Variants in SRGAP1 observed in about 807,000 individuals in gnomAD.
SRGAP1 encodes SLIT-ROBO Rho GTPase activating protein 1.
In SRGAP1, 43 loss-of-function variants were observed where a neutral mutation model predicts 121.9. The ratio of observed to expected loss-of-function variants is 0.35; its 90% CI spans 0.28 to 0.46. The LOEUF is 0.46. Among genes scored for constraint, SRGAP1 ranks in the 20% least tolerant of loss-of-function variants. The pLI is 1.00. For missense variants in SRGAP1, 1,102 were observed against 1,350.9 expected (o/e 0.82, Z 2.89); for synonymous variants, 447 against 485.4 (o/e 0.92, Z 1.04).
intron 8 of SRGAP1, among the ~76,000 whole-genome samples, chr12:64,069,400 A>G (rs2035600450): frequency 1.3e-5 from 2 of 152,204 alleles, no homozygotes; most frequent in Non-Finnish European, 2.9e-5. Context: ...GTCACTTCCC[A>G]ACTTTACATT....
At chr12:63,921,858 A>C (rs928932383) in intron 1 of SRGAP1, among the ~76,000 whole-genome samples, 1 of 152,152 alleles carries the variant, frequency 6.6e-6, no homozygotes, top group Non-Finnish European at 1.5e-5. Flanking sequence ...TTTGGTTATG[A>C]TAGATAAACT....
chr12:63,895,575 G>A (rs979718104), intron 1 of SRGAP1, among the ~76,000 whole-genome samples: 1 of 152,124 alleles, frequency 6.6e-6, no homozygotes, highest in African/African-American at 2.4e-5. Context: ...TCTAGATCTA[G>A]AAGTGAGATA....
intron 4 of SRGAP1, 91 bp downstream of exon 4, chr12:64,017,103 C>T: frequency 1.4e-6 from 1 of 736,732 alleles, no homozygotes; most frequent in Non-Finnish European, 2.2e-6. Flanking sequence ...CATTCCAAGC[C>T]AGAGTGACAA....
chr12:64,091,826 C>A, intron 12 of SRGAP1: 1 of 1,289,472 alleles, frequency 7.8e-7, no homozygotes, highest in Non-Finnish European at 1.1e-6. Flanking sequence ...ATGATCTATA[C>A]CTTGTACCTC....
At chr12:63,971,223 T>G (rs938536987) in intron 1 of SRGAP1, among the ~76,000 whole-genome samples, 1 of 150,150 alleles carries the variant, frequency 6.7e-6, no homozygotes, top group Non-Finnish European at 1.5e-5. Context: ...TCATAGTACT[T>G]TCTTCATGCT....
chr12:63,955,094 G>C (rs993249982), intron 1 of SRGAP1, among the ~76,000 whole-genome samples: 1 of 152,204 alleles, frequency 6.6e-6, no homozygotes, highest in Non-Finnish European at 1.5e-5. Flanking sequence ...GAGGTGGGCG[G>C]ATCACTTGAG....
chr12:64,015,321 T>A (rs2034374203), intron 3 of SRGAP1, among the ~76,000 whole-genome samples: 2 of 152,148 alleles, frequency 1.3e-5, no homozygotes, highest in African/African-American at 4.8e-5. Context: ...AAAAATAAAA[T>A]GAGTTTCAGT....
intron 12 of SRGAP1, among the ~76,000 whole-genome samples, chr12:64,093,948 C>G (rs1344657221): frequency 6.6e-6 from 1 of 152,094 alleles, no homozygotes; most frequent in Non-Finnish European, 1.5e-5. Flanking sequence ...TTAATGGATT[C>G]TGAATTGTTC....
Position 64,127,693 on chromosome 12 carries a change from A to G in SRGAP1, c.2509A>G (p.Thr837Ala). The G allele has an allele frequency of 1.2e-6, 2 of 1,614,152 alleles. No individual in the cohort carries two copies. The highest frequency in any genetic ancestry group is 1.6e-4 in the Middle Eastern group (1 of 6,062). ...CTCATCCAAGGACATGAACTCCCCG[A>G]CAGACCGTCATCCTGACGGCTATTT... is the stretch of plus-strand genomic sequence containing the variant. ...KSSSKDMNSP[T>A]DRHPDGYLAR... The change falls in exon 20 of 22, where the codon ACA (threonine) becomes GCA (alanine). Residue 837 changes from threonine (T) to alanine (A), a missense_variant. Thr to Ala is a moderately conservative substitution (Grantham distance 58). Coordinates refer to ENST00000355086, the MANE Select transcript of SRGAP1 (RefSeq NM_020762.4).
intron 1 of SRGAP1, among the ~76,000 whole-genome samples, chr12:63,880,741 G>T (rs569900807): frequency 6.6e-6 from 1 of 152,034 alleles, no homozygotes; most frequent in Non-Finnish European, 1.5e-5. Context: ...ATGAATCCAC[G>T]TATTTTATTA....
chr12:64,092,032 A>G (rs1565677123), intron 12 of SRGAP1: 1 of 932,696 alleles, frequency 1.1e-6, no homozygotes. Flanking sequence ...TAAAAGAAAA[A>G]TGTTTGCATT....
chr12:64,053,603 A>C (rs1288324900), intron 6 of SRGAP1, among the ~76,000 whole-genome samples: 1 of 152,242 alleles, frequency 6.6e-6, no homozygotes, highest in Non-Finnish European at 1.5e-5. Flanking sequence ...ATGCTAAAGA[A>C]TAAATATAAA....
Position 63,957,123 on chromosome 12 carries a change from G to A in SRGAP1, c.68-26824G>A, listed in dbSNP as rs532014391. ...TTCATTTATCCATGCATCAGTTGACGACCATTTGAGTCATTTTTACTTTTT... is the reference window on the plus strand; with the variant it reads ...TTCATTTATCCATGCATCAGTTGACAACCATTTGAGTCATTTTTACTTTTT... On this transcript the variant is annotated intron_variant, in intron 1 of 21. Coordinates refer to ENST00000355086, the MANE Select transcript of SRGAP1 (RefSeq NM_020762.4). 2.9e-3 allele frequency among the ~76,000 whole-genome samples: 447 copies of A among 152,210 alleles called. 2 individuals carry two copies. The highest frequency in any genetic ancestry group is 0.012 in the South Asian group (56 of 4,818).
At chr12:63,997,506 T>A (rs939315960) in intron 3 of SRGAP1, among the ~76,000 whole-genome samples, 19 of 152,138 alleles carry the variant, frequency 1.2e-4, no homozygotes, top group Non-Finnish European at 8.8e-5. Context: ...TTAGCTAAAA[T>A]TAAAATCTAG....
chr12:64,022,171 G>A (rs1449127103), intron 4 of SRGAP1, among the ~76,000 whole-genome samples: 1 of 152,274 alleles, frequency 6.6e-6, no homozygotes, highest in East Asian at 1.9e-4. Flanking sequence ...GTGTGTGTGT[G>A]TGCATGTGCA....
chr12:63,894,791 G>A (rs1281255121), intron 1 of SRGAP1, among the ~76,000 whole-genome samples: 1 of 152,152 alleles, frequency 6.6e-6, no homozygotes, highest in Non-Finnish European at 1.5e-5. Context: ...TCCCTACAAA[G>A]GACATGAACT....
chr12:63,941,652 C>CT (rs2031872335), intron 1 of SRGAP1, among the ~76,000 whole-genome samples: 1 of 150,158 alleles, frequency 6.7e-6, no homozygotes, highest in Admixed American at 6.6e-5. Context: ...GGACTTACAG[C>CT]TCCTCCTCCT....
At chr12:63,984,742 G>A (rs895136318) in intron 2 of SRGAP1, among the ~76,000 whole-genome samples, 25 of 152,198 alleles carry the variant, frequency 1.6e-4, no homozygotes, top group Admixed American at 7.9e-4. Flanking sequence ...AGGGCCAGGT[G>A]GGGTGGCTCA....
intron 1 of SRGAP1, among the ~76,000 whole-genome samples, chr12:63,946,283 CT>C (rs1303246487): frequency 2.1e-5 from 3 of 143,758 alleles, no homozygotes; most frequent in East Asian, 2.0e-4. Context: ...TGAATGGCTT[CT>C]TTTTTTTTCT....
Sources: allele counts gnomAD v4.1 joint callset (sites outside exome capture counted in the v4.1 genomes callset), GRCh38; gene constraint gnomAD v4.1.1; transcripts MANE v1.5; gene names NCBI Gene and HGNC (gene_info 2026-07-23, HGNC 2026-07-21).